Variants in NLGN4X observed in about 807,000 individuals in gnomAD.
NLGN4X encodes neuroligin 4 X-linked.
Under a neutral mutation model 40.3 loss-of-function variants are expected in NLGN4X, and 3 were observed. The ratio of observed to expected loss-of-function variants is 0.07; its 90% CI spans 0.03 to 0.19. The LOEUF is 0.19. Ranked by LOEUF, NLGN4X falls within the 10% of genes least tolerant of loss-of-function variation. NLGN4X has a pLI of 1.00. For missense variants in NLGN4X, 382 were observed against 708.3 expected (o/e 0.54, Z 5.23); for synonymous variants, 270 against 306.8 (o/e 0.88, Z 1.25).
At chrX:6,102,565 T>C (rs2038934459) in intron 2 of NLGN4X, among the ~76,000 whole-genome samples, 1 of 110,945 alleles carries the variant, frequency 9.0e-6, no homozygotes, top group Non-Finnish European at 1.9e-5. Context: ...TGTGTGTGTA[T>C]ATAATTTTGC....
intron 2 of NLGN4X, among the ~76,000 whole-genome samples, chrX:6,080,112 GA>G (rs201004365): frequency 0.09 from 5,719 of 63,361 alleles, 228 homozygotes; most frequent in African/African-American, 0.19. Flanking sequence ...CTAGAAACCA[GA>G]AAAAAAAAAA....
At chrX:5,932,098 C>T (rs1284819526) in intron 3 of NLGN4X, among the ~76,000 whole-genome samples, 1 of 111,262 alleles carries the variant, frequency 9.0e-6, no homozygotes, top group Non-Finnish European at 1.9e-5. Context: ...TCAGGGCCAC[C>T]AGTCACTTAT....
intron 3 of NLGN4X, among the ~76,000 whole-genome samples, chrX:5,938,249 T>C (rs2033798076): frequency 9.0e-6 from 1 of 111,150 alleles, no homozygotes; most frequent in Non-Finnish European, 1.9e-5. Context: ...GTTCAGGTTG[T>C]GGTATGGTTA....
chrX:5,904,496 T>A (rs2032073713), intron 4 of NLGN4X, among the ~76,000 whole-genome samples: 1 of 112,185 alleles, frequency 8.9e-6, no homozygotes, highest in Admixed American at 9.5e-5. Context: ...GTAAGGAGTA[T>A]TTTTTAGGTC....
chrX:5,894,110 C>T (rs887128139), intron 5 of NLGN4X, among the ~76,000 whole-genome samples: 6 of 111,548 alleles, frequency 5.4e-5, no homozygotes, highest in South Asian at 3.8e-4. Context: ...TTTCCGTAGA[C>T]GAAGGGTTGT....
At chrX:6,082,866 G>A (rs1490362095) in intron 2 of NLGN4X, among the ~76,000 whole-genome samples, 1 of 109,320 alleles carries the variant, frequency 9.1e-6, no homozygotes, top group South Asian at 3.9e-4. Context: ...AGGGACACAT[G>A]GGCAGATTAA....
chrX:6,138,090 C>T lies in NLGN4X; in HGVS notation c.472+12905G>A, dbSNP rs1174159618. On this transcript the variant is annotated intron_variant, in intron 2 of 5. Transcript: ENST00000381095. The stretch of plus-strand genomic sequence containing the variant: ...AAATGGCTTTGCCTTGCTGTATATG[C>T]TGACATTTTGTCATAGGAAGTGGAG... Among the ~76,000 whole-genome samples, 4 of 111,865 alleles carry T rather than the reference C, an allele frequency of 3.6e-5. No homozygotes were observed. In the Admixed American group the frequency reaches 3.8e-4, roughly 11 times the overall value.
chrX:5,978,320 CTT>C (rs1569164917), intron 3 of NLGN4X, among the ~76,000 whole-genome samples: 1 of 91,200 alleles, frequency 1.1e-5, no homozygotes, highest in African/African-American at 4.6e-5. Context: ...TTCTTTCTTT[CTT>C]TCTTTCTTTC....
chrX:6,037,124 G>A (rs1228661447), intron 2 of NLGN4X, among the ~76,000 whole-genome samples: 1 of 109,903 alleles, frequency 9.1e-6, no homozygotes, highest in Non-Finnish European at 1.9e-5. Flanking sequence ...GACCAACATG[G>A]TGAAACCTCT....
At chrX:6,005,144 CA>C (rs60310908) in intron 3 of NLGN4X, among the ~76,000 whole-genome samples, 7,059 of 111,800 alleles carry the variant, frequency 0.063, 487 homozygotes, top group African/African-American at 0.2. Flanking sequence ...CAAATTCAAA[CA>C]AAACAAAACA....
At chrX:6,042,730 T>TATATATAC (rs1215396694) in intron 2 of NLGN4X, among the ~76,000 whole-genome samples, 256 of 20,124 alleles carry the variant, frequency 0.013, 10 homozygotes, top group Non-Finnish European at 0.017. Flanking sequence ...TATATATATA[T>TATATATAC]ACACACACAC....
At chrX:5,941,605 A>C (rs113402036) in intron 3 of NLGN4X, among the ~76,000 whole-genome samples, 12 of 112,215 alleles carry the variant, frequency 1.1e-4, no homozygotes, top group African/African-American at 3.6e-4. Context: ...TCTCCCAAGA[A>C]CTTCCCTTGT....
At chrX:5,960,228 G>A (rs1489665807) in intron 3 of NLGN4X, among the ~76,000 whole-genome samples, 1 of 99,307 alleles carries the variant, frequency 1.0e-5, no homozygotes, top group Non-Finnish European at 2.0e-5. Context: ...GCAAGTTGCA[G>A]AGTAGTATAA....
At chrX:6,145,008 G>C (rs2040018064) in intron 2 of NLGN4X, among the ~76,000 whole-genome samples, 1 of 111,129 alleles carries the variant, frequency 9.0e-6, no homozygotes, top group Non-Finnish European at 1.9e-5. Flanking sequence ...AGGAATGCTT[G>C]TATCTCTCAC....
chrX:6,021,853 C>G (rs939612296), intron 3 of NLGN4X, among the ~76,000 whole-genome samples: 6 of 110,068 alleles, frequency 5.5e-5, no homozygotes, highest in African/African-American at 2.0e-4. Context: ...GTGTTATCTA[C>G]TGCATGGACC....
In NLGN4X at chrX:6,151,436, G is replaced by T. The variant is rs769097463; in HGVS notation, c.31C>A (p.Pro11Thr). 2 of 1,211,166 alleles carry T rather than the reference G, an allele frequency of 1.7e-6. No homozygotes were observed. The highest frequency in any genetic ancestry group is 1.8e-5 in the South Asian group (1 of 56,958). Residue 11 changes from proline to threonine, a missense_variant, in exon 2 of 6, where the codon CCT (proline) becomes ACT (threonine). Physicochemically the swap from Pro to Thr is conservative, Grantham distance 38. Around this residue, in one of 5 missense-constraint regions of NLGN4X, gnomAD observed 115 missense variants for 149.6 expected, o/e 0.77. Transcript: ENST00000381095. MSRPQGLLWL[P>T]LLFTPVCVML... ...ACGCAGACCGGGGTGAACAACAAAGGAAGCCATAGCAGTCCCTGGGGCCGT... is the reference window on the plus strand; with the variant it reads ...ACGCAGACCGGGGTGAACAACAAAGTAAGCCATAGCAGTCCCTGGGGCCGT...
chrX:5,903,642 C>T lies in NLGN4X; in HGVS notation c.1036G>A (p.Gly346Ser), dbSNP rs2032014085. The T allele has an allele frequency of 3.3e-6, 4 of 1,211,725 alleles. No individual in the cohort carries two copies. Among genetic ancestry groups the T allele is most frequent in the Non-Finnish European group, 4.5e-6 (4 of 895,530 alleles). The change falls in exon 5 of 6, where the codon GGC becomes AGC. Residue 346 changes from glycine to serine, a missense_variant. Gly to Ser is a moderately conservative substitution (Grantham distance 56, BLOSUM62 0). Around this residue, in one of 5 missense-constraint regions of NLGN4X, gnomAD observed 149 missense variants for 375.8 expected, o/e 0.40. Transcript: ENST00000381095. Reference protein sequence around the residue: ...YHIAFGPVIDGDVIPDDPQIL... With the variant: ...YHIAFGPVIDSDVIPDDPQIL... ...TGGGGGTCGTCTGGGATGACGTCGC[C>T]GTCGATCACCGGCCCGAAGGCTATG...
At chrX:6,206,630 A>G (rs1222968634) in intron 1 of NLGN4X, among the ~76,000 whole-genome samples, 1 of 111,355 alleles carries the variant, frequency 9.0e-6, no homozygotes, top group Non-Finnish European at 1.9e-5. Flanking sequence ...TGTCTCTTCT[A>G]AATTCAGGGA....
intron 1 of NLGN4X, among the ~76,000 whole-genome samples, chrX:6,182,996 G>C (rs1921628547): frequency 8.9e-6 from 1 of 111,837 alleles, no homozygotes; most frequent in African/African-American, 3.2e-5. Flanking sequence ...GCTCCTTCTG[G>C]AATCCTAGTT....
Sources: allele counts gnomAD v4.1 joint callset (sites outside exome capture counted in the v4.1 genomes callset), GRCh38; gene constraint gnomAD v4.1.1; regional missense constraint gnomAD v4.1.1; transcripts MANE v1.5; gene names NCBI Gene and HGNC (gene_info 2026-07-23, HGNC 2026-07-21).